Variants in TRIOBP observed in about 807,000 individuals in gnomAD.
TRIOBP encodes the protein TRIO and F-actin binding protein, also known as TRIO and F-actin-binding protein.
In TRIOBP, 169 loss-of-function variants were observed where a neutral mutation model predicts 238.8. The observed-to-expected ratio is 0.71, with a 90% CI of 0.62 to 0.80. TRIOBP has a LOEUF of 0.80. Ranked by LOEUF, TRIOBP falls within the 30% of genes least tolerant of loss-of-function variation. TRIOBP has a pLI of 0.00. For missense variants in TRIOBP, 2,838 were observed against 3,122.6 expected (o/e 0.91, Z 2.17); for synonymous variants, 1,150 against 1,274.4 (o/e 0.90, Z 2.08).
At chr22:37,754,576 C>T (rs779598151) in intron 12 of TRIOBP, among the ~76,000 whole-genome samples, 1 of 152,194 alleles carries the variant, frequency 6.6e-6, no homozygotes, top group Non-Finnish European at 1.5e-5. Flanking sequence ...CGCTGAGTCC[C>T]TGACTTGCTT....
At chr22:37,719,482 A>G (rs934860743) in intron 6 of TRIOBP, among the ~76,000 whole-genome samples, 8 of 152,056 alleles carry the variant, frequency 5.3e-5, no homozygotes, top group Non-Finnish European at 1.0e-4. Flanking sequence ...GAAGCAGGGG[A>G]TGGAGATGTG....
chr22:37,766,461 T>G (rs988829393), intron 18 of TRIOBP, among the ~76,000 whole-genome samples: 4 of 152,400 alleles, frequency 2.6e-5, no homozygotes, highest in African/African-American at 9.6e-5. Context: ...GAACCCAGCC[T>G]TGGGGCCAGT....
At position 37,725,898 on chromosome 22, in the gene TRIOBP, T is replaced by G. The variant is rs766661030; in HGVS notation, c.3342T>G (p.Ile1114Met). ...TTCAGCTCCCTGCACCTGTGTGTAT[T>G]GGGTACCGAGATGCACCCCGGGCCT... Reference protein sequence around the residue: ...EPLQLPAPVCIGYRDAPRASS... With the variant: ...EPLQLPAPVCMGYRDAPRASS... The change falls in exon 7 of 24, where the codon ATT (isoleucine) becomes ATG (methionine). Residue 1114 changes from isoleucine (I) to methionine (M), a missense_variant. Coordinates refer to ENST00000644935, the MANE Select transcript of TRIOBP (RefSeq NM_001039141.3). 8 of 1,613,290 alleles carry G rather than the reference T, an allele frequency of 5.0e-6. No individual in the cohort carries two copies. Among genetic ancestry groups the G allele is most frequent in the Non-Finnish European group, 5.1e-6 (6 of 1,179,766 alleles).
At position 37,757,624 on chromosome 22, in the gene TRIOBP, C is replaced by CT. The variant is rs1925999264; in HGVS notation, c.5700dup (p.Asn1901Ter). On this transcript the variant is annotated frameshift_variant, in exon 16 of 24. Transcript: ENST00000644935. LOFTEE classifies it high-confidence loss of function. ...TGCTGGTGCCCTAGGCTCTCGGACT[C>CT]TAACAAGGAGAACGCGCTGCACAGC... 6.3e-7 allele frequency: 1 copy of CT among 1,586,144 alleles called. No individual in the cohort carries two copies. Among genetic ancestry groups the CT allele is most frequent in the Non-Finnish European group, 8.6e-7 (1 of 1,168,808 alleles).
At chr22:37,747,097 G>A (rs1170198880) in intron 11 of TRIOBP, among the ~76,000 whole-genome samples, 1 of 152,150 alleles carries the variant, frequency 6.6e-6, no homozygotes, top group Non-Finnish European at 1.5e-5. Context: ...ATGGGGGTGA[G>A]CTGTACCCAA....
chr22:37,729,675 T>C (rs576790362), intron 7 of TRIOBP, among the ~76,000 whole-genome samples: 24 of 152,344 alleles, frequency 1.6e-4, no homozygotes, highest in African/African-American at 5.1e-4. Flanking sequence ...TTTACACTTT[T>C]ATTAACCATT....
Position 37,759,151 on chromosome 22 carries a change from T to C in TRIOBP, c.6214-3T>C. The C allele has an allele frequency of 1.2e-6, 2 of 1,609,956 alleles. No individual in the cohort carries two copies. Among genetic ancestry groups the C allele is most frequent in the Middle Eastern group, 1.7e-4 (1 of 5,938 alleles). On this transcript the variant is annotated splice_polypyrimidine_tract_variant and splice_region_variant and intron_variant, in intron 16 of 23. Transcript: ENST00000644935. ...TCCCACTGACCACCCTTCTCCCTCG[T>C]AGGTTCAGGCTCTTCGGGCCCAGCT...
chr22:37,758,182 G>T, intron 16 of TRIOBP, 44 bp downstream of exon 16: 1 of 1,605,064 alleles, frequency 6.2e-7, no homozygotes, highest in Non-Finnish European at 8.5e-7. Context: ...TTGCCCCAGC[G>T]CCCCTCCAGT....
rs559855483 is a variant in TRIOBP at position 37,723,617 on chromosome 22, C to A, written c.1061C>A (p.Pro354His). The A allele has an allele frequency of 3.7e-6, 6 of 1,614,130 alleles. No homozygotes were observed. The East Asian group carries it at 1.1e-4, about 30-fold the overall frequency. ...TCACGAAGCACCCAACTGGATAACC[C>A]CAGAACCTCTTCTACCCAGCAGGAC... ...SPSRSTQLDN[P>H]RTSSTQQDNP... The change falls in exon 7 of 24, where the codon CCC becomes CAC. Residue 354 changes from proline (P) to histidine (H), a missense_variant. Coordinates refer to ENST00000644935, the MANE Select transcript of TRIOBP (RefSeq NM_001039141.3).
At chr22:37,701,186 G>T in intron 2 of TRIOBP, 120 bp from the exon 3 acceptor site, 1 of 594,474 alleles carries the variant, frequency 1.7e-6, no homozygotes. Context: ...GGAACCCAAA[G>T]GAATGGATGA....
chr22:37,757,964 CCTGA>C lies in TRIOBP; in HGVS notation c.6044_6047del (p.Thr2015ArgfsTer78), dbSNP rs760954119. 1.9e-6 allele frequency: 3 copies of C among 1,572,628 alleles called. No homozygotes were observed. Among genetic ancestry groups the C allele is most frequent in the Non-Finnish European group, 1.7e-6 (2 of 1,159,860 alleles). On this transcript the variant is annotated frameshift_variant, in exon 16 of 24. Transcript: ENST00000644935. LOFTEE classifies it high-confidence loss of function. ...GGCCGCGCCGGGGCCTGGGTGCCCC[CCTGA>C]CTGAGGACCAGCAAAACCGGCTTAG...
chr22:37,763,294 G>A (rs1240319748), intron 17 of TRIOBP, among the ~76,000 whole-genome samples: 2 of 152,200 alleles, frequency 1.3e-5, no homozygotes, highest in Non-Finnish European at 2.9e-5. Flanking sequence ...GCTCAGAGGG[G>A]GCGAGGGGTT....
Position 37,735,112 on chromosome 22 carries a change from G to C in TRIOBP, c.4776G>C (p.Arg1592Ser). ...WEGLLELLQARLPRKDPAGHR... is the reference protein window; with the variant it reads ...WEGLLELLQASLPRKDPAGHR... ...GCCTCTTGGAGCTCCTGCAGGCCAG[G>C]CTGCCCCGCAAGGACCCAGCTGGAC... Residue 1592 changes from arginine (R) to serine (S), a missense_variant, in exon 9 of 24, where the codon AGG becomes AGC. This residue lies in a region of TRIOBP where 2,096 missense variants were observed against 2,137.4 expected (regional missense o/e 0.98). Transcript: ENST00000644935. 1 of 1,608,594 alleles carries C rather than the reference G, an allele frequency of 6.2e-7. No individual in the cohort carries two copies. The highest frequency in any genetic ancestry group is 8.5e-7 in the Non-Finnish European group (1 of 1,176,464).
intron 16 of TRIOBP, among the ~76,000 whole-genome samples, chr22:37,758,688 A>G (rs1418041168): frequency 1.5e-5 from 2 of 133,460 alleles, no homozygotes; most frequent in Non-Finnish European, 3.0e-5. Flanking sequence ...AGATTAAAAA[A>G]AAAAAAGAAG....
At chr22:37,722,683 C>T (rs1477132640) in intron 6 of TRIOBP, among the ~76,000 whole-genome samples, 1 of 152,130 alleles carries the variant, frequency 6.6e-6, no homozygotes, top group African/African-American at 2.4e-5. Flanking sequence ...GCCGAGATCA[C>T]GCCACTGCAC....
chr22:37,733,263 C>A, intron 7 of TRIOBP, 35 bp from the exon 8 acceptor site: 1 of 1,488,072 alleles, frequency 6.7e-7, no homozygotes, highest in Non-Finnish European at 9.2e-7. Context: ...GGGAGTGGGA[C>A]AGTCCCTCAG....
chr22:37,704,956 C>T (rs1183496974), intron 3 of TRIOBP, among the ~76,000 whole-genome samples: 1 of 151,846 alleles, frequency 6.6e-6, no homozygotes, highest in African/African-American at 2.4e-5. Context: ...ACCTGTAGTC[C>T]CAGCTAGTCA....
chr22:37,771,851 C>T (rs1341289720), intron 22 of TRIOBP, 115 bp downstream of exon 22: 1 of 911,974 alleles, frequency 1.1e-6, no homozygotes, highest in Non-Finnish European at 1.8e-6. Flanking sequence ...TCCTCAGGCT[C>T]TCCTGTGCTT....
chr22:37,704,332 G>A (rs1922812304), intron 3 of TRIOBP, among the ~76,000 whole-genome samples: 1 of 152,016 alleles, frequency 6.6e-6, no homozygotes, highest in Non-Finnish European at 1.5e-5. Flanking sequence ...TCAGTGAGCC[G>A]TGATCGCATT....
Sources: allele counts gnomAD v4.1 joint callset (sites outside exome capture counted in the v4.1 genomes callset), GRCh38; gene constraint gnomAD v4.1.1; regional missense constraint gnomAD v4.1.1; transcripts MANE v1.5; gene names NCBI Gene and HGNC (gene_info 2026-07-23, HGNC 2026-07-21).